Variants in MED26 observed in about 807,000 individuals in gnomAD.
MED26 encodes the protein mediator of RNA polymerase II transcription subunit 26.
MED26 carries 7 observed loss-of-function variants against 43.7 expected under a neutral mutation model. That is an observed-to-expected ratio of 0.16 (90% CI 0.09 to 0.30). The LOEUF (loss-of-function observed/expected upper bound fraction) is 0.30, where lower values mean the gene tolerates loss of function less well. Among genes scored for constraint, MED26 ranks in the 10% least tolerant of loss-of-function variants. MED26 has a pLI of 1.00. For missense variants in MED26, 784 were observed against 840.6 expected, an observed-to-expected ratio of 0.93 and a Z score of 0.83; for synonymous variants, 375 against 371.1, an observed-to-expected ratio of 1.01 and a Z score of -0.12.
chr19:16,595,150 G>A (rs951303224), intron 1 of MED26, among the ~76,000 whole-genome samples: 5 of 152,172 alleles, frequency 3.3e-5, no homozygotes, highest in African/African-American at 4.8e-5. Flanking sequence ...CCACAGTCCA[G>A]GAGTCACCTC....
At chr19:16,593,039 C>A (rs1599337136) in intron 1 of MED26, among the ~76,000 whole-genome samples, 1 of 152,246 alleles carries the variant, frequency 6.6e-6, no homozygotes, top group African/African-American at 2.4e-5. Context: ...GCCAAGCAGG[C>A]AACTGATGCC....
At chr19:16,609,675 A>G (rs1344966726) in intron 1 of MED26, among the ~76,000 whole-genome samples, 1 of 152,134 alleles carries the variant, frequency 6.6e-6, no homozygotes, top group East Asian at 1.9e-4. Flanking sequence ...AGTGCTTGAA[A>G]TAGAGTCTGA....
chr19:16,583,981 G>T (rs2086058465), intron 1 of MED26, among the ~76,000 whole-genome samples: 1 of 152,120 alleles, frequency 6.6e-6, no homozygotes, highest in South Asian at 2.1e-4. Flanking sequence ...CACACTTCAG[G>T]GATGCCCCAG....
intron 1 of MED26, among the ~76,000 whole-genome samples, chr19:16,627,323 G>A (rs572075488): frequency 6.6e-6 from 1 of 152,156 alleles, no homozygotes; most frequent in South Asian, 2.1e-4. Flanking sequence ...CGTACCCTAG[G>A]TACCCGGCCA....
chr19:16,619,381 C>T (rs554780942), intron 1 of MED26, among the ~76,000 whole-genome samples: 3 of 152,326 alleles, frequency 2.0e-5, no homozygotes, highest in Admixed American at 1.3e-4. Flanking sequence ...ACCATGGTAA[C>T]TACTACATCA....
intron 1 of MED26, among the ~76,000 whole-genome samples, chr19:16,619,453 TG>T (rs1379360170): frequency 6.6e-6 from 1 of 152,202 alleles, no homozygotes. Flanking sequence ...GCCAGGAACC[TG>T]ATGACTAGAA....
intron 1 of MED26, among the ~76,000 whole-genome samples, chr19:16,618,630 C>G (rs1292550410): frequency 6.6e-6 from 1 of 152,206 alleles, no homozygotes; most frequent in Admixed American, 6.5e-5. Flanking sequence ...CAAGGCCCAA[C>G]TATTTGGCGG....
At chr19:16,625,522 G>A (rs2086270386) in intron 1 of MED26, among the ~76,000 whole-genome samples, 1 of 151,758 alleles carries the variant, frequency 6.6e-6, no homozygotes, top group Non-Finnish European at 1.5e-5. Context: ...TTTTAGTGTT[G>A]GCTCTTCAAC....
intron 1 of MED26, chr19:16,611,099 G>A (rs1351076190): frequency 6.6e-6 from 1 of 152,452 alleles, no homozygotes; most frequent in African/African-American, 2.4e-5. Flanking sequence ...ACAGGACCAA[G>A]AGGGAAATGG....
At chr19:16,591,912 T>G (rs1448043884) in intron 1 of MED26, among the ~76,000 whole-genome samples, 2 of 152,198 alleles carry the variant, frequency 1.3e-5, no homozygotes, top group Non-Finnish European at 2.9e-5. Context: ...ATCCTTCCTA[T>G]TCAAGTGTGG....
chr19:16,610,393 TC>T (rs1321493761), intron 1 of MED26: 1 of 151,730 alleles, frequency 6.6e-6, no homozygotes, highest in Non-Finnish European at 1.5e-5. Context: ...CCTTATAATT[TC>T]TTTTTTTTTT....
Position 16,576,076 on chromosome 19 carries a change from T to C in MED26, c.1754A>G (p.His585Arg). The change falls in exon 3 of 3, where the codon CAC becomes CGC. Residue 585 changes from histidine to arginine, a missense_variant. This residue lies in a region of MED26 where 719 missense variants were observed against 730.9 expected (regional missense o/e 0.98). Coordinates refer to ENST00000263390, the MANE Select transcript of MED26 (RefSeq NM_004831.5). This position sits in a 1 kb window ranked among gnomAD's most constrained non-coding sequence, Gnocchi z 6.8. The part of the protein sequence containing the change: ...DWTQCISLDP[H>R]GDDGRLNILP... The stretch of plus-strand genomic sequence containing the variant: ...AATGTTCAAGCGCCCGTCGTCGCCG[T>C]GCGGATCGAGCGATATGCACTGCGT... 6.2e-7 allele frequency: 1 copy of C among 1,613,800 alleles called. No homozygotes were observed. The highest frequency in any genetic ancestry group is 8.5e-7 in the Non-Finnish European group (1 of 1,180,000).
At chr19:16,626,902 T>G (rs948084132) in intron 1 of MED26, among the ~76,000 whole-genome samples, 1 of 151,324 alleles carries the variant, frequency 6.6e-6, no homozygotes, top group Non-Finnish European at 1.5e-5. Context: ...AATATGAGAA[T>G]AGATCAGTCT....
At chr19:16,592,317 C>T (rs531468656) in intron 1 of MED26, among the ~76,000 whole-genome samples, 161 of 152,344 alleles carry the variant, frequency 1.1e-3, no homozygotes, top group African/African-American at 3.7e-3. Context: ...CCCCACAGAG[C>T]CCACCAGGCA....
At chr19:16,620,484 C>T (rs1178660669) in intron 1 of MED26, among the ~76,000 whole-genome samples, 2 of 152,216 alleles carry the variant, frequency 1.3e-5, no homozygotes, top group African/African-American at 4.8e-5. Flanking sequence ...CCAAAACTGG[C>T]CCTGTTTACA....
At position 16,576,904 on chromosome 19, in the gene MED26, G is replaced by T; in HGVS notation, c.926C>A (p.Ala309Asp). 6.2e-7 allele frequency: 1 copy of T among 1,602,764 alleles called. No individual in the cohort carries two copies. The highest frequency in any genetic ancestry group is 8.5e-7 in the Non-Finnish European group (1 of 1,173,658). Reference protein sequence around the residue: ...SPSPRPQALDATQVPSPLPLA... With the variant: ...SPSPRPQALDDTQVPSPLPLA... ...TGGAAGCGGTGACGGCACCTGTGTG[G>T]CATCGAGTGCCTGGGGCCGCGGTGA... Residue 309 changes from alanine to aspartate, a missense_variant, in exon 3 of 3, where the codon GCC becomes GAC. Around this residue, in one of 3 missense-constraint regions of MED26, gnomAD observed 719 missense variants for 730.9 expected, o/e 0.98. Transcript: ENST00000263390. This position sits in a 1 kb window ranked among gnomAD's most constrained non-coding sequence, Gnocchi z 6.8.
chr19:16,602,925 T>C (rs1431083665), intron 1 of MED26, among the ~76,000 whole-genome samples: 1 of 152,164 alleles, frequency 6.6e-6, no homozygotes, highest in Non-Finnish European at 1.5e-5. Context: ...CACACAACCA[T>C]GTGAGTGTGT....
At chr19:16,588,079 C>G (rs561720819) in intron 1 of MED26, 3 of 152,272 alleles carry the variant, frequency 2.0e-5, no homozygotes, top group African/African-American at 7.2e-5. Flanking sequence ...GCAGAACTTA[C>G]GATTCTTACT....
chr19:16,627,760 G>C lies in MED26; in HGVS notation c.72+112C>G, dbSNP rs571066525. On this transcript the variant is annotated intron_variant, in intron 1 of 2. Transcript: ENST00000263390. The stretch of plus-strand genomic sequence containing the variant: ...GCAGGGATGGCAGCGGCCCTCGAGG[G>C]GAGGTGGGCGCCAGACGGGTCCCCC... 1.0e-5 allele frequency: 7 copies of C among 688,526 alleles called. No homozygotes were observed. The South Asian group carries it at 2.7e-4, about 26-fold the overall frequency. The allele number at this position is 688,526 out of a possible 1,614,324, so 42.7% of individuals were successfully genotyped here.
Sources: gnomAD v4.1 joint callset for allele counts (sites outside exome capture counted in the v4.1 genomes callset) on GRCh38, gnomAD v4.1.1 for gene constraint, gnomAD v4.1.1 regional missense constraint, Gnocchi (gnomAD v3.1) non-coding constraint, MANE v1.5 for transcripts, NCBI Gene and HGNC (gene_info 2026-07-23, HGNC 2026-07-21) for gene names.